The following SHBG variants were observed in gnomAD, a reference collection of about 807,000 sequenced individuals.
SHBG encodes sex hormone-binding globulin.
SHBG carries 37 observed loss-of-function variants against 41.9 expected under a neutral mutation model. The ratio of observed to expected loss-of-function variants is 0.88; its 90% confidence interval spans 0.68 to 1.16. The LOEUF is 1.16. SHBG is among the 50% of genes most tolerant of loss of function. The pLI is 0.00. For synonymous variants in SHBG, 217 were observed against 205.8 expected, an observed-to-expected ratio of 1.05 and a Z score of -0.47; for missense variants, 466 against 499.9, an observed-to-expected ratio of 0.93 and a Z score of 0.65.
upstream of SHBG, chr17:7,627,593 C>T (rs759988000): frequency 3.1e-6 from 5 of 1,612,304 alleles, no homozygotes; most frequent in Non-Finnish European, 4.2e-6. This position sits in a 1 kb window ranked among gnomAD's most constrained non-coding sequence, Gnocchi z 4.8. Flanking sequence ...AGGATATCTC[C>T]ACAGTCTCCC....
At chr17:7,627,738 G>T (rs768733721), upstream of SHBG, 6 of 1,373,990 alleles carry the variant, frequency 4.4e-6, no homozygotes, top group South Asian at 1.2e-5. The surrounding 1 kb of genome is among the most constrained non-coding windows in gnomAD (Gnocchi z 4.8). Context: ...CTGAGAGAGC[G>T]GGGTGGCGGG....
chr17:7,632,021 G>A lies in SHBG; in HGVS notation c.852+6G>A, dbSNP rs1165146857. 2 of 1,612,648 alleles carry A rather than the reference G, an allele frequency of 1.2e-6. No individual in the cohort carries two copies. Among genetic ancestry groups the A allele is most frequent in the Non-Finnish European group, 1.7e-6 (2 of 1,179,958 alleles). ...GTCTCCACCTCCAAGATCAAGTAAA[G>A]GGGGACAGTGGGGCATTGCCTGTAT... On this transcript the variant is annotated splice_donor_region_variant and intron_variant, in intron 6 of 7. Transcript: ENST00000380450.
chr17:7,620,626 AT>A lies in SHBG; in HGVS notation c.-62+6526del, dbSNP rs57679468. ...GTGAGCTACAGTGCCCAGATTAATA[AT>A]TTTTTTTTTTGTTTTTTTGGGGGAC... On this transcript the variant is annotated intron_variant, in intron 1 of 5. Transcript: ENST00000570547. 8.3e-3 allele frequency among the ~76,000 whole-genome samples: 1,194 copies of A among 144,236 alleles called. 5 individuals carry two copies. Among genetic ancestry groups the A allele is most frequent in the African/African-American group, 0.021 (834 of 39,388 alleles). The allele number at this position is 144,236 out of a possible 152,430, so 94.6% of individuals were successfully genotyped here.
In SHBG at chr17:7,630,656, A is replaced by G. The variant is rs766648647; in HGVS notation, c.204-24A>G. 46 of 1,604,974 alleles carry G rather than the reference A, an allele frequency of 2.9e-5. No homozygotes were observed. Among genetic ancestry groups the G allele is most frequent in the African/African-American group, 5.4e-5 (4 of 74,742 alleles). On this transcript the variant is annotated intron_variant, in intron 2 of 7. Transcript: ENST00000380450. This position sits in a 1 kb window ranked among gnomAD's most constrained non-coding sequence, Gnocchi z 4.6. Reference sequence around the variant, plus strand: ...TCTCAAAGGACACATGACATACACAATCTTTCCTTCTGTGTCCTTCCAGAA... The same window carrying G: ...TCTCAAAGGACACATGACATACACAGTCTTTCCTTCTGTGTCCTTCCAGAA...
chr17:7,625,434 G>A (rs1194791105), upstream of SHBG, among the ~76,000 whole-genome samples: 7 of 150,956 alleles, frequency 4.6e-5, no homozygotes, highest in Non-Finnish European at 7.4e-5. Context: ...AAACTTAGCC[G>A]GGCGTGGTGG....
chr17:7,614,998 G>A (rs984510270), intron 1 of SHBG: 1 of 152,386 alleles, frequency 6.6e-6, no homozygotes, highest in Non-Finnish European at 1.5e-5. Flanking sequence ...GCGCATCGGG[G>A]CTTCCACATT....
At chr17:7,626,460 A>G (rs2072208810), upstream of SHBG, 1 of 1,613,830 alleles carries the variant, frequency 6.2e-7, no homozygotes, top group Non-Finnish European at 8.5e-7. Flanking sequence ...CTTTCCTGCC[A>G]ACTTTCTCGT....
chr17:7,624,280 AT>A (rs2150959797), upstream of SHBG, among the ~76,000 whole-genome samples: 1 of 149,416 alleles, frequency 6.7e-6, no homozygotes, highest in East Asian at 2.0e-4. Flanking sequence ...CAGAGTCTCC[AT>A]CTGTCACCCA....
At chr17:7,617,705 T>A (rs1175852225) in intron 1 of SHBG, among the ~76,000 whole-genome samples, 1 of 152,184 alleles carries the variant, frequency 6.6e-6, no homozygotes. Context: ...AACATCTGAA[T>A]AACCAGAATT....
At chr17:7,627,388 C>G, upstream of SHBG, 2 of 1,614,092 alleles carry the variant, frequency 1.2e-6, no homozygotes, top group Non-Finnish European at 1.7e-6. This position sits in a 1 kb window ranked among gnomAD's most constrained non-coding sequence, Gnocchi z 4.8. Context: ...TCACCTGATC[C>G]GAGAGTTTTT....
chr17:7,627,933 G>T (rs1567763820), upstream of SHBG: 2 of 525,028 alleles, frequency 3.8e-6, no homozygotes, highest in South Asian at 3.6e-5. This position sits in a 1 kb window ranked among gnomAD's most constrained non-coding sequence, Gnocchi z 4.8. Flanking sequence ...GCACGGCCGC[G>T]TCCCCCCCAA....
At chr17:7,622,909 C>A (rs1029247671) in intron 1 of SHBG, among the ~76,000 whole-genome samples, 1 of 150,770 alleles carries the variant, frequency 6.6e-6, no homozygotes, top group South Asian at 2.1e-4. Flanking sequence ...TGGTGGCAGG[C>A]GCCTGTGGTC....
intron 3 of SHBG, 116 bp from the exon 4 acceptor site, chr17:7,631,084 G>T (rs2072393576): frequency 1.8e-6 from 2 of 1,140,926 alleles, no homozygotes; most frequent in Non-Finnish European, 1.2e-6. Flanking sequence ...CAAGGCCAAG[G>T]ATGCTAGCTG....
chr17:7,614,095 T>G, exon 1 of SHBG: 3 of 506,150 alleles, frequency 5.9e-6, no homozygotes, highest in Admixed American at 2.3e-5. Flanking sequence ...GTGGGGAAGA[T>G]GTGATTAAGG....
chr17:7,614,225 C>T (rs1455573151), intron 1 of SHBG: 4 of 685,576 alleles, frequency 5.8e-6, no homozygotes, highest in Non-Finnish European at 1.1e-5. Flanking sequence ...GTTCATTCTC[C>T]CGGAGATGGG....
At chr17:7,620,138 G>T (rs1274545446) in intron 1 of SHBG, among the ~76,000 whole-genome samples, 1 of 148,312 alleles carries the variant, frequency 6.7e-6, no homozygotes, top group Admixed American at 6.7e-5. Flanking sequence ...AAAAAAAATT[G>T]AAAAAATTGA....
upstream of SHBG, chr17:7,626,786 C>A (rs2072222495): frequency 1.9e-6 from 3 of 1,614,140 alleles, no homozygotes; most frequent in African/African-American, 1.3e-5. Flanking sequence ...TGGAACCAAT[C>A]CCTTGACCTG....
intron 1 of SHBG, among the ~76,000 whole-genome samples, chr17:7,618,624 G>A (rs1168804521): frequency 6.6e-6 from 1 of 151,990 alleles, no homozygotes; most frequent in Non-Finnish European, 1.5e-5. Context: ...TCAATTAAGT[G>A]CAGTAATAGA....
rs1463139479 is a variant in SHBG at position 7,630,491 on chromosome 17, C to T, written c.187C>T (p.Leu63Phe). 1 of 1,614,074 alleles carries T rather than the reference C, an allele frequency of 6.2e-7. No homozygotes were observed. The highest frequency in any genetic ancestry group is 1.1e-5 in the South Asian group (1 of 91,078). ...GCCTATCGCTGTCATGACCTTTGAC[C>T]TCACCAAGATCACAAAGTATGGGGT... ...QEPIAVMTFD[L>F]TKITKTSSSF... is the part of the protein sequence containing the mutation. Residue 63 changes from leucine (L) to phenylalanine (F), a missense_variant, in exon 2 of 8, where the codon CTC becomes TTC. Coordinates refer to ENST00000380450, the MANE Select transcript of SHBG (RefSeq NM_001040.5). The surrounding 1 kb of genome is among the most constrained non-coding windows in gnomAD (Gnocchi z 4.6).
Sources: allele counts gnomAD v4.1 joint callset (sites outside exome capture counted in the v4.1 genomes callset), GRCh38; gene constraint gnomAD v4.1.1; non-coding constraint Gnocchi (gnomAD v3.1); transcripts MANE v1.5; gene names NCBI Gene and HGNC (gene_info 2026-07-23, HGNC 2026-07-21).